ZNF599: variants seen among roughly 807,000 people sequenced by gnomAD.
ZNF599 encodes the protein zinc finger protein 599.
A neutral mutation model predicts 11.7 loss-of-function variants in ZNF599; 10 were observed. The ratio of observed to expected loss-of-function variants is 0.86; its 90% CI spans 0.53 to 1.45. The LOEUF is 1.45. ZNF599 is among the 40% of genes most tolerant of loss of function. The pLI is 0.00. For missense variants in ZNF599, 688 were observed against 713.6 expected (o/e 0.96, Z 0.41); for synonymous variants, 232 against 253.2 (o/e 0.92, Z 0.79).
chr19:34,798,789 T>C, the ZNF599 span, among the ~76,000 whole-genome samples: 18 of 152,344 alleles, frequency 1.2e-4, no homozygotes, highest in South Asian at 3.5e-3. Flanking sequence ...CTGAATTTAT[T>C]ACATTAATTT....
At chr19:34,765,776 T>C (rs1239971729) in intron 3 of ZNF599, 15 of 672,868 alleles carry the variant, frequency 2.2e-5, no homozygotes, top group African/African-American at 1.6e-4. Flanking sequence ...ATGGAACATG[T>C]GAGTGGATGC....
intron 1 of ZNF599, among the ~76,000 whole-genome samples, chr19:34,769,821 G>T (rs1001005458): frequency 2.0e-5 from 3 of 152,200 alleles, no homozygotes. Context: ...AATGTCCTAG[G>T]ACATTACAAG....
upstream of ZNF599, among the ~76,000 whole-genome samples, chr19:34,777,693 A>G (rs1377346161): frequency 1.3e-5 from 2 of 149,260 alleles, no homozygotes; most frequent in Non-Finnish European, 2.9e-5. Context: ...GAACCCAGAG[A>G]GCATTATGCT....
Position 34,759,395 on chromosome 19 carries a change from T to C in ZNF599, c.1406A>G (p.His469Arg), listed in dbSNP as rs1293460839. 30 of 1,614,038 alleles carry C rather than the reference T, an allele frequency of 1.9e-5. No individual in the cohort carries two copies. In the East Asian group the frequency reaches 3.1e-4, roughly 17 times the overall value. ...TTTTTGTCCACTGTGGGTCCTATTA[T>C]GTCGAATAAAAACAGAGTGGTGTGT... ...AFTHHSVFIR[H>R]NRTHSGQKPL... is the part of the protein sequence containing the mutation. Residue 469 changes from histidine (H) to arginine (R), a missense_variant, in exon 4 of 4, where the codon CAT becomes CGT. His to Arg is a conservative substitution (Grantham distance 29). Transcript: ENST00000329285.
At chr19:34,769,658 G>A (rs1157059406) in intron 1 of ZNF599, 103 bp from the exon 2 acceptor site, 3 of 1,412,976 alleles carry the variant, frequency 2.1e-6, no homozygotes, top group Admixed American at 2.1e-5. Flanking sequence ...CTGAACCACT[G>A]AGCAACTCCT....
chr19:34,807,355 G>C, the ZNF599 span, among the ~76,000 whole-genome samples: 2 of 152,132 alleles, frequency 1.3e-5, no homozygotes, highest in Non-Finnish European at 2.9e-5. Flanking sequence ...TGGGTGAATG[G>C]CTCCAGAAAC....
At chr19:34,773,722 C>CT (rs982635793), upstream of ZNF599, among the ~76,000 whole-genome samples, 2 of 152,176 alleles carry the variant, frequency 1.3e-5, no homozygotes, top group African/African-American at 2.4e-5. Flanking sequence ...ACCCAGCCCT[C>CT]TGCTTAACTT....
At chr19:34,761,210 G>T (rs2069111314) in intron 3 of ZNF599, among the ~76,000 whole-genome samples, 1 of 152,186 alleles carries the variant, frequency 6.6e-6, no homozygotes, top group Admixed American at 6.5e-5. Flanking sequence ...AAAGTGAGAA[G>T]GGTGAGAACC....
intron 2 of ZNF599, 136 bp downstream of exon 2, chr19:34,769,293 A>C (rs933969658): frequency 1.0e-5 from 11 of 1,079,722 alleles, no homozygotes; most frequent in Non-Finnish European, 1.4e-5. Flanking sequence ...CAGCAAGAGG[A>C]GGTCAGACCA....
chr19:34,800,703 C>T, the ZNF599 span, among the ~76,000 whole-genome samples: 1 of 145,334 alleles, frequency 6.9e-6, no homozygotes, highest in African/African-American at 2.5e-5. Context: ...CCAAGCAATT[C>T]TCCTGCCTCA....
chr19:34,771,171 G>A (rs1031480738), intron 1 of ZNF599, among the ~76,000 whole-genome samples: 9 of 152,150 alleles, frequency 5.9e-5, no homozygotes, highest in Admixed American at 5.2e-4. Flanking sequence ...CTACTCAGGA[G>A]GCTCAGTGGG....
the ZNF599 span, among the ~76,000 whole-genome samples, chr19:34,790,307 C>T: frequency 1.3e-5 from 2 of 152,152 alleles, no homozygotes; most frequent in African/African-American, 4.8e-5. Context: ...GCATTATTCA[C>T]AAGCATCAAC....
chr19:34,802,725 G>A, the ZNF599 span, among the ~76,000 whole-genome samples: 2 of 152,124 alleles, frequency 1.3e-5, no homozygotes, highest in African/African-American at 4.8e-5. Context: ...CTGGTTCATG[G>A]TATGATTTGA....
At chr19:34,793,647 G>A in the ZNF599 span, among the ~76,000 whole-genome samples, 1 of 152,188 alleles carries the variant, frequency 6.6e-6, no homozygotes, top group African/African-American at 2.4e-5. Flanking sequence ...ATTGGGGCTT[G>A]GCCCAGGAGG....
intron 2 of ZNF599, 92 bp from the exon 3 acceptor site, chr19:34,767,503 G>T: frequency 3.3e-6 from 3 of 911,614 alleles, no homozygotes; most frequent in Non-Finnish European, 3.3e-6. Flanking sequence ...TTAACATACT[G>T]CAATGAAACC....
upstream of ZNF599, chr19:34,773,350 C>T (rs1600161183): frequency 6.5e-6 from 1 of 154,072 alleles, no homozygotes; most frequent in South Asian, 2.1e-4. Context: ...CTGGAGCGCA[C>T]TTTCTGTTCT....
At chr19:34,802,210 T>G in the ZNF599 span, among the ~76,000 whole-genome samples, 1 of 152,124 alleles carries the variant, frequency 6.6e-6, no homozygotes, top group Non-Finnish European at 1.5e-5. Context: ...CACAGGACTG[T>G]TTTCAGGAGG....
In ZNF599 at chr19:34,759,326, G is replaced by C; in HGVS notation, c.1475C>G (p.Ser492Cys). The C allele has an allele frequency of 6.2e-7, 1 of 1,614,194 alleles. No individual in the cohort carries two copies. Among genetic ancestry groups the C allele is most frequent in the African/African-American group, 1.3e-5 (1 of 75,028 alleles). ...KECAKAFYYSSSFTRHMRIHT... is the reference protein window; with the variant it reads ...KECAKAFYYSCSFTRHMRIHT... ...AATCCTCATGTGTCGAGTGAAGGAA[G>C]AGCTATAGTAAAAGGCTTTTGCACA... Residue 492 changes from serine to cysteine, a missense_variant, in exon 4 of 4, where the codon TCT becomes TGT. Ser to Cys is a moderately radical substitution (Grantham distance 112). Coordinates refer to ENST00000329285, the MANE Select transcript of ZNF599 (RefSeq NM_001007248.3).
chr19:34,792,543 G>A, the ZNF599 span, among the ~76,000 whole-genome samples: 16,576 of 152,148 alleles, frequency 0.11, 1,002 homozygotes, highest in South Asian at 0.17. Flanking sequence ...AGGAACAACT[G>A]CATCAACAAT....
Sources: allele counts gnomAD v4.1 joint callset (sites outside exome capture counted in the v4.1 genomes callset), GRCh38; gene constraint gnomAD v4.1.1; transcripts MANE v1.5; gene names NCBI Gene and HGNC (gene_info 2026-07-23, HGNC 2026-07-21).